Variants in TAF3 observed in about 807,000 individuals in gnomAD.
TAF3 encodes the protein transcription initiation factor TFIID subunit 3.
In TAF3, 7 loss-of-function variants were observed where a neutral mutation model predicts 80.6. That is an observed-to-expected ratio of 0.09 (90% CI 0.05 to 0.16). The LOEUF is 0.16. TAF3 is among the 10% of genes least tolerant of loss of function. TAF3 has a pLI of 1.00. For synonymous variants in TAF3, 444 were observed against 446.1 expected, an observed-to-expected ratio of 1.00 and a Z score of 0.06; for missense variants, 921 against 1,140.2, an observed-to-expected ratio of 0.81 and a Z score of 2.77.
intron 3 of TAF3, among the ~76,000 whole-genome samples, chr10:7,976,581 A>C (rs1050671737): frequency 6.6e-6 from 1 of 151,848 alleles, no homozygotes; most frequent in Non-Finnish European, 1.5e-5. Context: ...CGCCCAGCTA[A>C]TTTTTTGTAT....
chr10:7,875,035 A>C (rs17143050), intron 2 of TAF3, among the ~76,000 whole-genome samples: 30,217 of 152,026 alleles, frequency 0.2, 3,076 homozygotes, highest in Middle Eastern at 0.26. Context: ...TATAGATAGC[A>C]GTTTGTAGGT....
chr10:7,899,472 T>G (rs1837538274), intron 2 of TAF3, among the ~76,000 whole-genome samples: 1 of 152,200 alleles, frequency 6.6e-6, no homozygotes, highest in Non-Finnish European at 1.5e-5. Context: ...ACATTTGCAT[T>G]TCTCTTTGCA....
chr10:7,994,230 A>G (rs1831862525), intron 4 of TAF3, among the ~76,000 whole-genome samples: 1 of 152,118 alleles, frequency 6.6e-6, no homozygotes, highest in Non-Finnish European at 1.5e-5. Flanking sequence ...TTCTGGTAAA[A>G]AAAAATTCCA....
At chr10:7,978,801 A>G (rs1831696670) in intron 4 of TAF3, among the ~76,000 whole-genome samples, 1 of 152,246 alleles carries the variant, frequency 6.6e-6, no homozygotes, top group Non-Finnish European at 1.5e-5. Flanking sequence ...CCCATGTCTC[A>G]GTAACTCACC....
intron 2 of TAF3, among the ~76,000 whole-genome samples, chr10:7,912,217 C>A (rs1837663056): frequency 6.6e-6 from 1 of 152,018 alleles, no homozygotes. Flanking sequence ...GTTAACTAAA[C>A]CAAATACAAG....
chr10:7,841,940 G>T (rs1836917018), intron 2 of TAF3, among the ~76,000 whole-genome samples: 1 of 152,052 alleles, frequency 6.6e-6, no homozygotes, highest in African/African-American at 2.4e-5. Flanking sequence ...CTCGTACCCA[G>T]GGCAGACTTG....
intron 2 of TAF3, among the ~76,000 whole-genome samples, chr10:7,948,763 C>G (rs1032159422): frequency 1.3e-5 from 2 of 152,232 alleles, no homozygotes; most frequent in African/African-American, 4.8e-5. Flanking sequence ...AAATTTATCA[C>G]TGGGTACTGA....
At chr10:7,837,196 C>G (rs933154456) in intron 2 of TAF3, among the ~76,000 whole-genome samples, 7 of 152,214 alleles carry the variant, frequency 4.6e-5, no homozygotes, top group African/African-American at 1.7e-4. Context: ...AATCCTGTCT[C>G]TACTAAAAAT....
rs1170617644 is a variant in TAF3 at position 8,009,918 on chromosome 10, C to CTT, written c.2568+598_2568+599dup. ...TACAGGCATGAGCCACCGTGCCCGG[C>CTT]TTTTTTTTTTTGAAAGGGGATTTCA... On this transcript the variant is annotated intron_variant, in intron 5 of 6. Transcript: ENST00000344293. The surrounding 1 kb of genome is among the most constrained non-coding windows in gnomAD (Gnocchi z 4.1). 2.1e-5 allele frequency among the ~76,000 whole-genome samples: 3 copies of CTT among 145,598 alleles called. No homozygotes were observed. The highest frequency in any genetic ancestry group is 2.5e-5 in the African/African-American group (1 of 39,862).
intron 2 of TAF3, among the ~76,000 whole-genome samples, chr10:7,941,497 A>C (rs752234521): frequency 1.3e-5 from 2 of 152,180 alleles, no homozygotes; most frequent in Non-Finnish European, 2.9e-5. Flanking sequence ...GAAGAGTTTC[A>C]GAGTTGAGTG....
intron 2 of TAF3, among the ~76,000 whole-genome samples, chr10:7,899,628 G>A (rs12219274): frequency 0.047 from 7,161 of 152,186 alleles, 274 homozygotes; most frequent in Admixed American, 0.11. Flanking sequence ...TTCCATTCCC[G>A]TTGATACTGA....
chr10:7,906,724 T>G (rs1340969080), intron 2 of TAF3, among the ~76,000 whole-genome samples: 2 of 151,544 alleles, frequency 1.3e-5, no homozygotes, highest in Non-Finnish European at 2.9e-5. Context: ...GCATGTAAGA[T>G]TTAGTTTTGA....
intron 2 of TAF3, among the ~76,000 whole-genome samples, chr10:7,845,447 C>T (rs543257232): frequency 1.2e-4 from 19 of 152,216 alleles, no homozygotes; most frequent in African/African-American, 4.6e-4. Flanking sequence ...CTGGGCAGTG[C>T]TAGGGGTAGG....
rs1832024499 is a variant in TAF3 at position 8,009,020 on chromosome 10, G to A, written c.2316-58G>A. The A allele has an allele frequency of 1.3e-6, 2 of 1,552,264 alleles. No homozygotes were observed. Among genetic ancestry groups the A allele is most frequent in the Non-Finnish European group, 1.7e-6 (2 of 1,146,600 alleles). ...ATTTTACGATCATGTTTTTAAGCAC[G>A]GGTTTGGTTCGATGATGATCCTGTT... On this transcript the variant is annotated intron_variant, in intron 4 of 6. Transcript: ENST00000344293. The surrounding 1 kb of genome is among the most constrained non-coding windows in gnomAD (Gnocchi z 4.1).
intron 4 of TAF3, among the ~76,000 whole-genome samples, chr10:7,985,824 C>T (rs1329952731): frequency 6.9e-6 from 1 of 145,342 alleles, no homozygotes; most frequent in South Asian, 2.2e-4. Context: ...CACTCTGTGG[C>T]CCAGGCTGAA....
At chr10:7,938,775 C>T (rs1351823526) in intron 2 of TAF3, among the ~76,000 whole-genome samples, 1 of 152,076 alleles carries the variant, frequency 6.6e-6, no homozygotes, top group Non-Finnish European at 1.5e-5. Flanking sequence ...GATGAAACTG[C>T]CGAATGTTAA....
At chr10:7,835,692 C>T (rs1024091109) in intron 2 of TAF3, among the ~76,000 whole-genome samples, 4 of 152,206 alleles carry the variant, frequency 2.6e-5, no homozygotes, top group Admixed American at 2.0e-4. Flanking sequence ...CCGCTCTTCT[C>T]GGGTTGGCCT....
At chr10:8,008,633 C>G (rs1371151090) in intron 4 of TAF3, among the ~76,000 whole-genome samples, 2 of 152,212 alleles carry the variant, frequency 1.3e-5, no homozygotes, top group Non-Finnish European at 2.9e-5. Context: ...ATGTGTCTTT[C>G]TTGCCCATCT....
intron 2 of TAF3, among the ~76,000 whole-genome samples, chr10:7,845,182 A>G (rs1836957375): frequency 6.6e-6 from 1 of 152,110 alleles, no homozygotes; most frequent in South Asian, 2.1e-4. Context: ...CTTAGATTAA[A>G]CAATTTGGGA....
Sources: gnomAD v4.1 joint callset for allele counts (sites outside exome capture counted in the v4.1 genomes callset) on GRCh38, gnomAD v4.1.1 for gene constraint, Gnocchi (gnomAD v3.1) non-coding constraint, MANE v1.5 for transcripts, NCBI Gene and HGNC (gene_info 2026-07-23, HGNC 2026-07-21) for gene names.